Variants in TTLL11 observed in about 807,000 individuals in gnomAD.
The protein encoded by TTLL11 is tubulin polyglutamylase TTLL11.
In TTLL11, 42 loss-of-function variants were observed where a neutral mutation model predicts 51.7. The ratio of observed to expected loss-of-function variants is 0.81; its 90% CI spans 0.64 to 1.05. The LOEUF is 1.05. TTLL11 is among the 50% of genes least tolerant of loss of function. The probability of loss-of-function intolerance (pLI) is 0.00; values close to 1 mark genes in which losing one functional copy is unlikely to be tolerated. For missense variants in TTLL11, 799 were observed against 940.4 expected (o/e 0.85, Z 1.97); for synonymous variants, 381 against 383.5 (o/e 0.99, Z 0.08).
intron 6 of TTLL11, among the ~76,000 whole-genome samples, chr9:121,963,032 A>T (rs530981880): frequency 1.3e-5 from 2 of 152,192 alleles, no homozygotes; most frequent in African/African-American, 4.8e-5. Flanking sequence ...AGCTAGACAG[A>T]CCTGGCTTTA....
At chr9:122,009,055 C>A (rs1843729700) in intron 3 of TTLL11, among the ~76,000 whole-genome samples, 1 of 152,080 alleles carries the variant, frequency 6.6e-6, no homozygotes, top group South Asian at 2.1e-4. Flanking sequence ...AGCTATTTGT[C>A]AAAGGATACA....
intron 6 of TTLL11, among the ~76,000 whole-genome samples, chr9:121,926,322 T>G (rs1840732966): frequency 6.6e-6 from 1 of 152,240 alleles, no homozygotes; most frequent in South Asian, 2.1e-4. Context: ...CTTGCTGTTA[T>G]CCACACGCTC....
At chr9:121,865,842 A>G (rs1359252859) in intron 7 of TTLL11, among the ~76,000 whole-genome samples, 2 of 152,262 alleles carry the variant, frequency 1.3e-5, no homozygotes, top group Admixed American at 6.5e-5. Flanking sequence ...ACGAGAGAAG[A>G]ACAGTTCATT....
rs1417969229 is a variant in TTLL11 at position 121,821,333 on chromosome 9, A to G, written c.*1254T>C. On this transcript the variant is annotated 3_prime_UTR_variant, in exon 9 of 9. Coordinates refer to ENST00000321582, the MANE Select transcript of TTLL11 (RefSeq NM_001139442.2). The surrounding 1 kb of genome is among the most constrained non-coding windows in gnomAD (Gnocchi z 5.0). Reference sequence around the variant, plus strand: ...ACTACGAGCATTTTCTGAGTCCTACAGTGCACCACACCAGGCACAGTACTA... The same window carrying G: ...ACTACGAGCATTTTCTGAGTCCTACGGTGCACCACACCAGGCACAGTACTA... Among the ~76,000 whole-genome samples the G allele has an allele frequency of 1.3e-5, 2 of 152,172 alleles. No homozygotes were observed. Among genetic ancestry groups the G allele is most frequent in the African/African-American group, 4.8e-5 (2 of 41,438 alleles).
At position 121,853,286 on chromosome 9, in the gene TTLL11, C is replaced by G. The variant is rs1837718230; in HGVS notation, c.1840+7051G>C. On this transcript the variant is annotated intron_variant, in intron 8 of 8. Coordinates refer to ENST00000321582, the MANE Select transcript of TTLL11 (RefSeq NM_001139442.2). This position sits in a 1 kb window ranked among gnomAD's most constrained non-coding sequence, Gnocchi z 5.6. ...AGCTCTGTTTCCTGGATGTTGGCCTCATGTCGGGGGCAGATGTCCAGGCCC... is the reference window on the plus strand; with the variant it reads ...AGCTCTGTTTCCTGGATGTTGGCCTGATGTCGGGGGCAGATGTCCAGGCCC... 6.6e-6 allele frequency among the ~76,000 whole-genome samples: 1 copy of G among 152,130 alleles called. No homozygotes were observed. Among genetic ancestry groups the G allele is most frequent in the Admixed American group, 6.5e-5 (1 of 15,288 alleles).
intron 6 of TTLL11, among the ~76,000 whole-genome samples, chr9:121,876,497 A>G (rs1226350227): frequency 2.6e-5 from 4 of 152,228 alleles, no homozygotes; most frequent in Non-Finnish European, 5.9e-5. Context: ...ATATATAAAC[A>G]GTGACTTGGC....
chr9:122,029,035 ATTTGT>A (rs1299803236), intron 3 of TTLL11, among the ~76,000 whole-genome samples: 2 of 152,190 alleles, frequency 1.3e-5, no homozygotes, highest in Non-Finnish European at 2.9e-5. Flanking sequence ...CTAGAAAGAA[ATTTGT>A]TTTAAGATTT....
intron 1 of TTLL11, among the ~76,000 whole-genome samples, chr9:122,058,251 C>T (rs893437430): frequency 6.6e-6 from 1 of 152,100 alleles, no homozygotes; most frequent in South Asian, 2.1e-4. Flanking sequence ...AGGGAGTAGG[C>T]GTGAAACAGA....
intron 3 of TTLL11, among the ~76,000 whole-genome samples, chr9:122,002,944 CAAAAA>C (rs547408355): frequency 1.6e-5 from 1 of 61,254 alleles, no homozygotes; most frequent in East Asian, 5.5e-4. Flanking sequence ...GACTCTGTCT[CAAAAA>C]AAAAAAAAAA....
At chr9:121,997,080 C>T (rs1843291819) in intron 3 of TTLL11, among the ~76,000 whole-genome samples, 1 of 152,206 alleles carries the variant, frequency 6.6e-6, no homozygotes, top group South Asian at 2.1e-4. Context: ...AGCCTCTCCA[C>T]ATGCTTTACC....
At chr9:121,843,031 AAGAGCTT>A (rs1173845283) in intron 8 of TTLL11, among the ~76,000 whole-genome samples, 1 of 152,142 alleles carries the variant, frequency 6.6e-6, no homozygotes, top group Non-Finnish European at 1.5e-5. Context: ...CTGACGCATA[AAGAGCTT>A]AGAAGTCATT....
intron 1 of TTLL11, among the ~76,000 whole-genome samples, chr9:122,085,832 G>A (rs1846109076): frequency 6.6e-6 from 1 of 152,160 alleles, no homozygotes; most frequent in Admixed American, 6.6e-5. Flanking sequence ...GAGTCTCAGA[G>A]AGGTTCTGTA....
chr9:122,074,285 A>C (rs1845805455), intron 1 of TTLL11, among the ~76,000 whole-genome samples: 1 of 152,000 alleles, frequency 6.6e-6, no homozygotes, highest in South Asian at 2.1e-4. Flanking sequence ...ATTAAAAAAA[A>C]AAAAAAAAGA....
At chr9:121,838,781 A>AAAGAAAGCAAGC (rs766666859) in intron 8 of TTLL11, among the ~76,000 whole-genome samples, 2 of 139,896 alleles carry the variant, frequency 1.4e-5, no homozygotes, top group Non-Finnish European at 3.1e-5. Flanking sequence ...AGCAAGCAAG[A>AAAGAAAGCAAGC]AAGCAAGCAA....
intron 6 of TTLL11, among the ~76,000 whole-genome samples, chr9:121,957,788 ATG>A (rs1350748303): frequency 6.6e-6 from 1 of 152,162 alleles, no homozygotes; most frequent in Non-Finnish European, 1.5e-5. Context: ...GACCTGAAGA[ATG>A]GCCAGGAACA....
rs75980883 is a variant in TTLL11 at position 121,854,977 on chromosome 9, A to G, written c.1840+5360T>C. On this transcript the variant is annotated intron_variant, in intron 8 of 8. Transcript: ENST00000321582. ...TGGCATGCTGGAGAGCATAAGCTAC[A>G]TGTTACTAAATTCCATCCAGCTCTT... is the stretch of plus-strand genomic sequence containing the variant. Among the ~76,000 whole-genome samples, 516 of 152,288 alleles carry G rather than the reference A, an allele frequency of 3.4e-3. 3 individuals are homozygous for G. Among genetic ancestry groups the G allele is most frequent in the African/African-American group, 0.012 (492 of 41,548 alleles).
chr9:121,835,618 C>A (rs1440841668), intron 8 of TTLL11, among the ~76,000 whole-genome samples: 3 of 152,170 alleles, frequency 2.0e-5, no homozygotes, highest in African/African-American at 7.2e-5. Context: ...AAAATCATTA[C>A]CCCCAGAAGC....
intron 6 of TTLL11, among the ~76,000 whole-genome samples, chr9:121,961,884 C>T (rs547669216): frequency 2.4e-4 from 36 of 152,110 alleles, no homozygotes; most frequent in Non-Finnish European, 4.0e-4. Flanking sequence ...GGTGAAACCC[C>T]GTCTCTACTA....
intron 6 of TTLL11, among the ~76,000 whole-genome samples, chr9:121,925,994 C>A (rs1313209498): frequency 6.6e-6 from 1 of 152,204 alleles, no homozygotes; most frequent in Admixed American, 6.5e-5. Flanking sequence ...CCTGCCATAT[C>A]AATGTCTTCC....
Sources: gnomAD v4.1 joint callset for allele counts (sites outside exome capture counted in the v4.1 genomes callset) on GRCh38, gnomAD v4.1.1 for gene constraint, Gnocchi (gnomAD v3.1) non-coding constraint, MANE v1.5 for transcripts, NCBI Gene and HGNC (gene_info 2026-07-23, HGNC 2026-07-21) for gene names.